Variants in CALN1 observed in about 807,000 individuals in gnomAD.
The protein encoded by CALN1 is calcium-binding protein 8.
Under a neutral mutation model 30.6 loss-of-function variants are expected in CALN1, and 17 were observed. That is an observed-to-expected ratio of 0.56 (90% CI 0.38 to 0.83). The LOEUF (loss-of-function observed/expected upper bound fraction) is 0.83, where lower values mean the gene tolerates loss of function less well. Among genes scored for constraint, CALN1 ranks in the 40% least tolerant of loss-of-function variants. The probability of loss-of-function intolerance (pLI) is 0.00; values close to 1 mark genes in which losing one functional copy is unlikely to be tolerated. For synonymous variants in CALN1, 156 were observed against 131.4 expected, an observed-to-expected ratio of 1.19 and a Z score of -1.28; for missense variants, 291 against 354.9, an observed-to-expected ratio of 0.82 and a Z score of 1.45.
chr7:72,334,755 G>A (rs534846293), intron 2 of CALN1, among the ~76,000 whole-genome samples: 3 of 152,342 alleles, frequency 2.0e-5, no homozygotes, highest in South Asian at 4.1e-4. Context: ...ATATCGTGAG[G>A]ATTGGATTTC....
the CALN1 span, among the ~76,000 whole-genome samples, chr7:72,490,884 A>C: frequency 6.6e-6 from 1 of 152,302 alleles, no homozygotes; most frequent in South Asian, 2.1e-4. Context: ...AGGCAGTGTG[A>C]AAATGGACTA....
At chr7:72,041,653 G>A (rs1403420841) in intron 4 of CALN1, among the ~76,000 whole-genome samples, 1 of 152,064 alleles carries the variant, frequency 6.6e-6, no homozygotes. Flanking sequence ...CAAAGTGCTG[G>A]GATTACAGGT....
chr7:72,162,107 T>G, intron 3 of CALN1, among the ~76,000 whole-genome samples: 1 of 151,866 alleles, frequency 6.6e-6, no homozygotes, highest in Middle Eastern at 3.4e-3. Context: ...TAGAGGTAAC[T>G]GATATTATAG....
At chr7:72,349,339 GA>G (rs1416301522) in intron 2 of CALN1, among the ~76,000 whole-genome samples, 2 of 150,300 alleles carry the variant, frequency 1.3e-5, no homozygotes, top group Middle Eastern at 3.4e-3. Flanking sequence ...AGGTTAAACA[GA>G]AAAAAGTATT....
At chr7:72,411,603 A>T (rs1053256292) in intron 1 of CALN1, among the ~76,000 whole-genome samples, 1 of 152,196 alleles carries the variant, frequency 6.6e-6, no homozygotes, top group African/African-American at 2.4e-5. Flanking sequence ...TCAAAATACC[A>T]CTTCCGGCTA....
chr7:72,366,405 A>C (rs1803880448), intron 2 of CALN1, among the ~76,000 whole-genome samples: 1 of 152,026 alleles, frequency 6.6e-6, no homozygotes, highest in Non-Finnish European at 1.5e-5. Context: ...CGAACTCCTG[A>C]CCTCAGGTGA....
At chr7:72,012,676 G>A (rs1476823039) in intron 5 of CALN1, among the ~76,000 whole-genome samples, 3 of 152,198 alleles carry the variant, frequency 2.0e-5, no homozygotes, top group Non-Finnish European at 4.4e-5. Context: ...GCCTCCTGCA[G>A]CCTCTGCAGC....
In CALN1 at chr7:72,121,828, T is replaced by C. The variant is rs1808415592; in HGVS notation, c.245-15534A>G. 2.0e-5 allele frequency among the ~76,000 whole-genome samples: 3 copies of C among 147,438 alleles called. No homozygotes were observed. In the South Asian group the frequency reaches 6.3e-4, roughly 31 times the overall value. ...GATTATTGTAAACATGGTTGGTTATTATAAACCTGTTTATCATTATAATAT... is the reference window on the plus strand; with the variant it reads ...GATTATTGTAAACATGGTTGGTTATCATAAACCTGTTTATCATTATAATAT... On this transcript the variant is annotated intron_variant, in intron 3 of 6. Coordinates refer to ENST00000395275, the MANE Select transcript of CALN1 (RefSeq NM_031468.4).
At chr7:71,995,959 C>T (rs968825353) in intron 5 of CALN1, among the ~76,000 whole-genome samples, 2 of 152,232 alleles carry the variant, frequency 1.3e-5, no homozygotes, top group East Asian at 1.9e-4. Flanking sequence ...AGAATCTCCT[C>T]CCGCAAAGAG....
intron 5 of CALN1, among the ~76,000 whole-genome samples, chr7:71,840,156 A>G (rs968506590): frequency 6.6e-6 from 1 of 152,152 alleles, no homozygotes; most frequent in Non-Finnish European, 1.5e-5. Context: ...GACTTGTTGC[A>G]AAAGTGTTCT....
chr7:72,235,624 G>A lies in CALN1; in HGVS notation c.244+43062C>T, dbSNP rs141095820. ...TGTAAAGGGCTCAGAATTCCACTCC[G>A]GGGACCTGGCACATTTCTAAACATG... On this transcript the variant is annotated intron_variant, in intron 3 of 6. Transcript: ENST00000395275. 5.9e-5 allele frequency among the ~76,000 whole-genome samples: 9 copies of A among 152,070 alleles called. No homozygotes were observed. In the East Asian group the frequency reaches 9.7e-4, roughly 16 times the overall value.
At chr7:72,438,868 A>C (rs1464276784) in intron 1 of CALN1, among the ~76,000 whole-genome samples, 1 of 152,178 alleles carries the variant, frequency 6.6e-6, no homozygotes, top group East Asian at 1.9e-4. Flanking sequence ...CACACATATA[A>C]ATTTGCATGC....
intron 2 of CALN1, among the ~76,000 whole-genome samples, chr7:72,379,637 G>A (rs186138157): frequency 1.1e-4 from 17 of 152,326 alleles, no homozygotes; most frequent in Admixed American, 5.2e-4. Context: ...TTGCAAACAC[G>A]TTCACAAAAA....
chr7:72,296,174 T>C (rs1798840005), intron 2 of CALN1, among the ~76,000 whole-genome samples: 1 of 151,754 alleles, frequency 6.6e-6, no homozygotes, highest in South Asian at 2.1e-4. Flanking sequence ...TTTACTGATT[T>C]GCGTATATTG....
chr7:71,861,283 A>G (rs758913688), intron 5 of CALN1, among the ~76,000 whole-genome samples: 1 of 152,146 alleles, frequency 6.6e-6, no homozygotes, highest in East Asian at 1.9e-4. Flanking sequence ...TGAGTGTGCA[A>G]AAAAGAGAGA....
intron 4 of CALN1, among the ~76,000 whole-genome samples, chr7:72,100,327 G>A (rs1219389009): frequency 2.0e-5 from 3 of 151,830 alleles, no homozygotes; most frequent in East Asian, 1.9e-4. Flanking sequence ...GATTACAGAC[G>A]TGTACCACTA....
intron 5 of CALN1, among the ~76,000 whole-genome samples, chr7:71,989,382 T>C (rs1476990373): frequency 6.7e-6 from 1 of 150,026 alleles, no homozygotes; most frequent in East Asian, 2.0e-4. Flanking sequence ...AGGTTTGCAG[T>C]GAGCAGAGGT....
chr7:72,485,868 C>T, the CALN1 span, among the ~76,000 whole-genome samples: 1 of 150,656 alleles, frequency 6.6e-6, no homozygotes, highest in South Asian at 2.1e-4. Context: ...AGCGAAACTA[C>T]ATCTCAAAAA....
At chr7:72,375,291 G>A (rs755874491) in intron 2 of CALN1, among the ~76,000 whole-genome samples, 2 of 151,968 alleles carry the variant, frequency 1.3e-5, no homozygotes, top group Non-Finnish European at 2.9e-5. Flanking sequence ...CTTTCAATGG[G>A]GTGGCTCACA....
Sources: gnomAD v4.1 joint callset for allele counts (sites outside exome capture counted in the v4.1 genomes callset) on GRCh38, gnomAD v4.1.1 for gene constraint, MANE v1.5 for transcripts, NCBI Gene and HGNC (gene_info 2026-07-23, HGNC 2026-07-21) for gene names.